SEMA5A: variants seen among roughly 807,000 people sequenced by gnomAD.
SEMA5A encodes semaphorin-5A.
SEMA5A carries 55 observed loss-of-function variants against 135.5 expected under a neutral mutation model. The ratio of observed to expected loss-of-function variants is 0.41; its 90% CI spans 0.33 to 0.51. The LOEUF (loss-of-function observed/expected upper bound fraction) is 0.51. SEMA5A is among the 20% of genes least tolerant of loss of function. SEMA5A has a pLI of 0.37. For missense variants in SEMA5A, 1,290 were observed against 1,419.9 expected, an observed-to-expected ratio of 0.91 and a Z score of 1.47; for synonymous variants, 580 against 546.5, an observed-to-expected ratio of 1.06 and a Z score of -0.85.
intron 12 of SEMA5A, among the ~76,000 whole-genome samples, chr5:9,154,045 C>CAAAAAA (rs1157417525): frequency 2.9e-4 from 10 of 34,188 alleles, no homozygotes; most frequent in East Asian, 1.1e-3. Flanking sequence ...GACTGTGTCT[C>CAAAAAA]AAAAAAAAAA....
intron 16 of SEMA5A, among the ~76,000 whole-genome samples, chr5:9,105,413 T>A (rs558702085): frequency 8.3e-4 from 126 of 152,218 alleles, no homozygotes; most frequent in Non-Finnish European, 1.6e-3. Flanking sequence ...CTTGAAATAA[T>A]CAATTCTTTC....
At chr5:9,438,981 A>G (rs769601630) in intron 1 of SEMA5A, among the ~76,000 whole-genome samples, 6 of 152,192 alleles carry the variant, frequency 3.9e-5, no homozygotes, top group East Asian at 1.9e-4. Flanking sequence ...CTGCCTCTCT[A>G]TGAGTCTCCC....
intron 19 of SEMA5A, among the ~76,000 whole-genome samples, chr5:9,052,630 C>T (rs1021740166): frequency 6.6e-6 from 1 of 152,026 alleles, no homozygotes; most frequent in Non-Finnish European, 1.5e-5. Flanking sequence ...CATCTTATCT[C>T]GTGTTTGCTG....
chr5:9,167,838 G>A (rs1182307406), intron 11 of SEMA5A, among the ~76,000 whole-genome samples: 1 of 152,076 alleles, frequency 6.6e-6, no homozygotes, highest in African/African-American at 2.4e-5. Flanking sequence ...CATGACCACC[G>A]TCATGCTCTC....
chr5:9,464,044 G>A (rs990007680), intron 1 of SEMA5A, among the ~76,000 whole-genome samples: 3 of 152,098 alleles, frequency 2.0e-5, no homozygotes. Context: ...CCTCTGTCAT[G>A]GGGGAGCTGG....
rs916128928 is a variant in SEMA5A, at chr5:9,119,264, A to G, written c.1782-123T>C. 1.3e-4 allele frequency: 153 copies of G among 1,173,680 alleles called. 1 individual carries two copies. The East Asian group carries it at 2.7e-3, about 21-fold the overall frequency. 72.7% of individuals were successfully genotyped at this position (1,173,680 alleles called of 1,614,324 possible). A position where few individuals can be genotyped will look rare whatever the true frequency, so the allele number is the denominator to read the frequency against. ...TCACGCTTGGGGCTGCTCAGGAGAGAAAACACCAGCCAGGGGACTGAATGG... is the reference window on the plus strand; with the variant it reads ...TCACGCTTGGGGCTGCTCAGGAGAGGAAACACCAGCCAGGGGACTGAATGG... On this transcript the variant is annotated intron_variant, in intron 14 of 22. Coordinates refer to ENST00000382496, the MANE Select transcript of SEMA5A (RefSeq NM_003966.3).
chr5:9,196,817 A>G (rs965050997), intron 10 of SEMA5A, among the ~76,000 whole-genome samples: 3 of 152,156 alleles, frequency 2.0e-5, no homozygotes, highest in Non-Finnish European at 4.4e-5. Flanking sequence ...GACCCCATTC[A>G]TTAGAATGTC....
chr5:9,515,707 C>T (rs1736473293), intron 1 of SEMA5A, among the ~76,000 whole-genome samples: 1 of 152,172 alleles, frequency 6.6e-6, no homozygotes, highest in African/African-American at 2.4e-5. Context: ...TGCTACATGT[C>T]AGATCCAGCT....
At chr5:9,343,982 A>G (rs1753757118) in intron 3 of SEMA5A, among the ~76,000 whole-genome samples, 1 of 152,178 alleles carries the variant, frequency 6.6e-6, no homozygotes, top group Non-Finnish European at 1.5e-5. Context: ...CCAAAGCTTC[A>G]CACACTTGTC....
At chr5:9,448,059 G>A (rs1758498768) in intron 1 of SEMA5A, among the ~76,000 whole-genome samples, 1 of 152,198 alleles carries the variant, frequency 6.6e-6, no homozygotes, top group South Asian at 2.1e-4. Context: ...GGAAGCAGAT[G>A]CACTTTTGGA....
intron 16 of SEMA5A, among the ~76,000 whole-genome samples, chr5:9,072,239 C>T (rs1247139601): frequency 6.6e-6 from 1 of 152,100 alleles, no homozygotes; most frequent in Non-Finnish European, 1.5e-5. Context: ...CCATGAGTGC[C>T]ACAACCTACA....
At position 9,545,311 on chromosome 5, in the gene SEMA5A, C is replaced by T. The variant is rs1738328868; in HGVS notation, c.-175+273G>A. ...CTCGCCCACCGCGACACTCCGGCTC[C>T]TTACCTCTCCATGCTCAGACCTCGG... On this transcript the variant is annotated intron_variant, in intron 1 of 22. Coordinates refer to ENST00000382496, the MANE Select transcript of SEMA5A (RefSeq NM_003966.3). The surrounding 1 kb of genome is among the most constrained non-coding windows in gnomAD (Gnocchi z 4.5). Among the ~76,000 whole-genome samples the T allele has an allele frequency of 6.6e-6, 1 of 152,200 alleles. No homozygotes were observed. The highest frequency in any genetic ancestry group is 2.1e-4 in the South Asian group (1 of 4,832).
At chr5:9,062,108 C>T (rs543048247) in intron 18 of SEMA5A, among the ~76,000 whole-genome samples, 6 of 152,222 alleles carry the variant, frequency 3.9e-5, no homozygotes, top group South Asian at 4.1e-4. Flanking sequence ...CCATATCCTT[C>T]GAGTAGCTCA....
intron 15 of SEMA5A, among the ~76,000 whole-genome samples, chr5:9,114,713 G>A (rs1740422801): frequency 6.6e-6 from 1 of 152,196 alleles, no homozygotes; most frequent in Non-Finnish European, 1.5e-5. Context: ...AAGAAAGACT[G>A]AGGAATGGAT....
intron 3 of SEMA5A, among the ~76,000 whole-genome samples, chr5:9,364,099 CTCTT>C (rs1754814289): frequency 6.6e-6 from 1 of 152,202 alleles, no homozygotes; most frequent in Admixed American, 6.5e-5. Context: ...AATCTTCCCA[CTCTT>C]TCTTTCCTTG....
intron 1 of SEMA5A, among the ~76,000 whole-genome samples, chr5:9,471,207 C>T (rs16882862): frequency 0.4 from 61,241 of 151,718 alleles, 12,905 homozygotes; most frequent in Non-Finnish European, 0.46. Flanking sequence ...TCTACAAGAA[C>T]GGTAATATGA....
At chr5:9,335,347 C>T (rs73742649) in intron 4 of SEMA5A, among the ~76,000 whole-genome samples, 3,666 of 152,268 alleles carry the variant, frequency 0.024, 143 homozygotes, top group African/African-American at 0.084. Context: ...AGCTGCCATC[C>T]ACAGCCAGAA....
intron 19 of SEMA5A, among the ~76,000 whole-genome samples, chr5:9,052,761 C>T (rs1736659383): frequency 6.6e-6 from 1 of 150,572 alleles, no homozygotes; most frequent in South Asian, 2.1e-4. Flanking sequence ...CCCAGGCATA[C>T]AGATGTGTGA....
intron 5 of SEMA5A, among the ~76,000 whole-genome samples, chr5:9,256,561 T>C (rs1288288478): frequency 6.6e-6 from 1 of 152,216 alleles, no homozygotes; most frequent in Admixed American, 6.5e-5. Context: ...TTCTATCACA[T>C]CACTGCATTT....
Sources: allele counts gnomAD v4.1 joint callset (sites outside exome capture counted in the v4.1 genomes callset), GRCh38; gene constraint gnomAD v4.1.1; non-coding constraint Gnocchi (gnomAD v3.1); transcripts MANE v1.5; gene names NCBI Gene and HGNC (gene_info 2026-07-23, HGNC 2026-07-21).